The following WWOX variants were observed in gnomAD, a reference collection of about 807,000 sequenced individuals.
WWOX encodes WW domain-containing oxidoreductase.
A neutral mutation model predicts 46.2 loss-of-function variants in WWOX; 69 were observed. That is an observed-to-expected ratio of 1.49 (90% CI 1.23 to 1.82). The LOEUF is 1.82. WWOX is among the 40% of genes most tolerant of loss of function. The pLI is 0.00. For missense variants in WWOX, 919 were observed against 542.6 expected (o/e 1.69, Z -6.89); for synonymous variants, 359 against 202.6 (o/e 1.77, Z -6.56).
chr16:78,690,885 C>T (rs1197024188), intron 8 of WWOX, among the ~76,000 whole-genome samples: 1 of 152,166 alleles, frequency 6.6e-6, no homozygotes, highest in African/African-American at 2.4e-5. Flanking sequence ...CGTATCAATA[C>T]CTGGGGGTTT....
intron 8 of WWOX, among the ~76,000 whole-genome samples, chr16:79,092,324 G>T (rs11866696): frequency 6.6e-6 from 1 of 152,100 alleles, no homozygotes; most frequent in African/African-American, 2.4e-5. Flanking sequence ...GGAATCAATC[G>T]TGCTGGGTGG....
intron 4 of WWOX, among the ~76,000 whole-genome samples, chr16:78,136,924 C>G (rs1486779191): frequency 1.3e-5 from 2 of 152,178 alleles, no homozygotes; most frequent in Non-Finnish European, 1.5e-5. Flanking sequence ...GGGCAGACCC[C>G]ATTCATGCAG....
In WWOX at chr16:78,164,290, G is replaced by T; in HGVS notation, c.516+1G>T. On this transcript the variant is annotated splice_donor_variant, in intron 5 of 8. Transcript: ENST00000566780. LOFTEE classifies it high-confidence loss of function. ...AGTGTCACGCATTTTAGAAGAATGG[G>T]TAAGTGCTTGACTGTTGTTGTTTTT... 2 of 1,613,708 alleles carry T rather than the reference G, an allele frequency of 1.2e-6. No homozygotes were observed. Among genetic ancestry groups the T allele is most frequent in the Non-Finnish European group, 1.7e-6 (2 of 1,179,792 alleles).
intron 8 of WWOX, among the ~76,000 whole-genome samples, chr16:78,872,549 C>T (rs898503200): frequency 6.6e-6 from 1 of 152,084 alleles, no homozygotes; most frequent in Non-Finnish European, 1.5e-5. Flanking sequence ...CTCTAAGCCT[C>T]AATTTCTTTG....
At chr16:78,495,145 C>CTTTTTTTTTTTTTTTTTTTTTT (rs71140804) in intron 8 of WWOX, among the ~76,000 whole-genome samples, 1 of 116,616 alleles carries the variant, frequency 8.6e-6, no homozygotes, top group African/African-American at 2.9e-5. Context: ...CTGTTGTGTT[C>CTTTTTTTTTTTTTTTTTTTTTT]TTTTTTTTTT....
At chr16:78,385,555 C>G (rs1489691409) in intron 5 of WWOX, among the ~76,000 whole-genome samples, 2 of 152,064 alleles carry the variant, frequency 1.3e-5, no homozygotes, top group African/African-American at 2.4e-5. Flanking sequence ...GTTTACTGCT[C>G]AAAGCTTAGG....
chr16:78,313,027 G>A (rs2080278899), intron 5 of WWOX, among the ~76,000 whole-genome samples: 1 of 151,620 alleles, frequency 6.6e-6, no homozygotes, highest in African/African-American at 2.4e-5. Context: ...GCAGATTTGT[G>A]TCCTACTAAC....
chr16:78,941,932 C>T (rs1368224041), intron 8 of WWOX, among the ~76,000 whole-genome samples: 2 of 152,014 alleles, frequency 1.3e-5, no homozygotes, highest in Non-Finnish European at 2.9e-5. Context: ...TTATTTTTTA[C>T]TGTAAACATT....
At chr16:78,767,379 C>T (rs1449455735) in intron 8 of WWOX, among the ~76,000 whole-genome samples, 1 of 152,060 alleles carries the variant, frequency 6.6e-6, no homozygotes, top group Admixed American at 6.6e-5. Context: ...CGGTCATCCA[C>T]CCGCCTGGGC....
chr16:78,794,736 T>C (rs895156886), intron 8 of WWOX, among the ~76,000 whole-genome samples: 12 of 152,206 alleles, frequency 7.9e-5, no homozygotes, highest in African/African-American at 2.9e-4. Flanking sequence ...GCTATCAGAG[T>C]GATGCTGTGG....
intron 8 of WWOX, among the ~76,000 whole-genome samples, chr16:79,210,792 G>C (rs989066890): frequency 6.6e-6 from 1 of 152,076 alleles, no homozygotes; most frequent in African/African-American, 2.4e-5. Context: ...TGGATGATAT[G>C]ATGCCTCATC....
At chr16:78,471,440 C>G (rs570754521) in intron 8 of WWOX, among the ~76,000 whole-genome samples, 2 of 152,204 alleles carry the variant, frequency 1.3e-5, no homozygotes, top group East Asian at 1.9e-4. Flanking sequence ...TGCAGTGTTT[C>G]TAGGAAGTTA....
intron 8 of WWOX, among the ~76,000 whole-genome samples, chr16:78,926,294 G>T (rs1247457203): frequency 6.6e-6 from 1 of 151,650 alleles, no homozygotes; most frequent in Admixed American, 6.6e-5. Flanking sequence ...GATATCCTGA[G>T]CCCAGGAGGT....
At chr16:79,034,542 T>C (rs1274531088) in intron 8 of WWOX, among the ~76,000 whole-genome samples, 1 of 152,252 alleles carries the variant, frequency 6.6e-6, no homozygotes, top group Non-Finnish European at 1.5e-5. Flanking sequence ...ATCAGGAGAC[T>C]GGCTTCCCCA....
At chr16:78,160,468 C>A (rs957981229) in intron 4 of WWOX, among the ~76,000 whole-genome samples, 1 of 152,160 alleles carries the variant, frequency 6.6e-6, no homozygotes, top group Non-Finnish European at 1.5e-5. Flanking sequence ...TTTCTTTTAA[C>A]CATGGCTTTA....
At chr16:78,744,635 T>C (rs2049306347) in intron 8 of WWOX, among the ~76,000 whole-genome samples, 1 of 152,010 alleles carries the variant, frequency 6.6e-6, no homozygotes, top group African/African-American at 2.4e-5. Context: ...TTTCACCATG[T>C]TGGCCAGGCT....
chr16:78,919,021 T>C lies in WWOX; in HGVS notation c.1057-292587T>C, dbSNP rs74597849. 8.7e-3 allele frequency among the ~76,000 whole-genome samples: 1,330 copies of C among 152,214 alleles called. 18 individuals carry two copies. Among genetic ancestry groups the C allele is most frequent in the East Asian group, 0.062 (319 of 5,156 alleles). ...AATACAGTCGTGGTGTCAGGTAGTG[T>C]GTAACTTCGTTAAGTTCAGTCATAG... On this transcript the variant is annotated intron_variant, in intron 8 of 8. Transcript: ENST00000566780.
chr16:78,458,255 A>G (rs1300038832), intron 8 of WWOX, among the ~76,000 whole-genome samples: 1 of 100,870 alleles, frequency 9.9e-6, no homozygotes, highest in East Asian at 3.0e-4. Flanking sequence ...TTTCATTGGT[A>G]TAGTTTTTTT....
chr16:78,309,168 G>A (rs12596766), intron 5 of WWOX, among the ~76,000 whole-genome samples: 6 of 151,918 alleles, frequency 3.9e-5, no homozygotes, highest in East Asian at 1.9e-4. Context: ...CCACAATCCC[G>A]ACATGTCAAG....
Sources: gnomAD v4.1 joint callset for allele counts (sites outside exome capture counted in the v4.1 genomes callset) on GRCh38, gnomAD v4.1.1 for gene constraint, MANE v1.5 for transcripts, NCBI Gene and HGNC (gene_info 2026-07-23, HGNC 2026-07-21) for gene names.